The following DOCK9 variants were observed in gnomAD, a reference collection of about 807,000 sequenced individuals.
DOCK9 encodes the protein dedicator of cytokinesis protein 9.
DOCK9 carries 89 observed loss-of-function variants against 263.3 expected under a neutral mutation model. The ratio of observed to expected loss-of-function variants is 0.34; its 90% CI spans 0.28 to 0.40. DOCK9 has a LOEUF of 0.40. Among genes scored for constraint, DOCK9 ranks in the 10% least tolerant of loss-of-function variants. DOCK9 has a pLI of 1.00. For missense variants in DOCK9, 2,140 were observed against 2,603.4 expected (o/e 0.82, Z 3.87); for synonymous variants, 976 against 973.1 (o/e 1.00, Z -0.06).
intron 19 of DOCK9, 110 bp from the exon 20 acceptor site, chr13:98,885,941 A>C (rs1253952008): frequency 2.9e-6 from 3 of 1,038,724 alleles, no homozygotes; most frequent in Non-Finnish European, 1.3e-6. Context: ...TTGTTCTCCG[A>C]GCGGATATTA....
At position 98,852,721 on chromosome 13, in the gene DOCK9, G is replaced by A. The variant is rs2093607815; in HGVS notation, c.3946+687C>T. Among the ~76,000 whole-genome samples the A allele has an allele frequency of 2.6e-5, 4 of 152,290 alleles. No individual in the cohort carries two copies. In the South Asian group the frequency reaches 8.3e-4, roughly 32 times the overall value. On this transcript the variant is annotated intron_variant, in intron 35 of 52. Transcript: ENST00000682017. ...GATAAGAACTGCGACATTGTTTACT[G>A]GGATTGTTTATATTACATAGCCAGA...
At chr13:98,885,116 C>G (rs1365312499) in intron 20 of DOCK9, 24 bp from the exon 21 acceptor site, 2 of 1,612,740 alleles carry the variant, frequency 1.2e-6, no homozygotes, top group Non-Finnish European at 1.7e-6. Flanking sequence ...AGAACAACAA[C>G]AACAACAGAA....
chr13:99,009,049 G>A (rs970464570), intron 1 of DOCK9, among the ~76,000 whole-genome samples: 25 of 152,228 alleles, frequency 1.6e-4, no homozygotes, highest in African/African-American at 5.5e-4. Context: ...AGTTGTCTCT[G>A]TGTTCCTGGA....
intron 15 of DOCK9, 51 bp downstream of exon 15, chr13:98,897,437 C>G (rs1174096119): frequency 1.2e-6 from 2 of 1,606,150 alleles, no homozygotes; most frequent in African/African-American, 2.7e-5. Flanking sequence ...CCTCCCTCCC[C>G]ACTACACAGC....
intron 1 of DOCK9, among the ~76,000 whole-genome samples, chr13:99,007,252 G>A (rs563001748): frequency 3.3e-5 from 5 of 152,008 alleles, no homozygotes; most frequent in African/African-American, 9.7e-5. Context: ...GCTGGGTGTG[G>A]TGGCACGTGC....
intron 1 of DOCK9, among the ~76,000 whole-genome samples, chr13:98,972,880 G>A (rs2059881962): frequency 6.6e-6 from 1 of 152,204 alleles, no homozygotes; most frequent in South Asian, 2.1e-4. Context: ...TGGGGAGAGG[G>A]AGGGTTTTGA....
At chr13:99,020,688 A>G (rs1885990926) in intron 1 of DOCK9, among the ~76,000 whole-genome samples, 1 of 152,226 alleles carries the variant, frequency 6.6e-6, no homozygotes, top group Non-Finnish European at 1.5e-5. Context: ...CATGTGAAAA[A>G]AGAGGAATCT....
intron 3 of DOCK9, among the ~76,000 whole-genome samples, chr13:98,927,967 A>T (rs553959417): frequency 6.7e-6 from 1 of 148,322 alleles, no homozygotes; most frequent in Non-Finnish European, 1.5e-5. Context: ...ACAGTTTATT[A>T]TGTTCATATA....
chr13:99,042,427 G>T (rs111897809), intron 1 of DOCK9, among the ~76,000 whole-genome samples: 1 of 152,196 alleles, frequency 6.6e-6, no homozygotes, highest in Non-Finnish European at 1.5e-5. Context: ...CCTGCTGAAC[G>T]GGGATCCTTC....
chr13:98,859,345 A>G (rs940623269), intron 33 of DOCK9: 2 of 152,240 alleles, frequency 1.3e-5, no homozygotes, highest in Non-Finnish European at 2.9e-5. Flanking sequence ...TACAGTGTCA[A>G]CTAAGGAGAG....
intron 48 of DOCK9, 36 bp from the exon 49 acceptor site, chr13:98,805,245 C>G (rs1448429199): frequency 9.2e-6 from 14 of 1,519,062 alleles, no homozygotes; most frequent in Non-Finnish European, 1.3e-5. Flanking sequence ...GATTGGTGCT[C>G]CATGAAGGAA....
chr13:99,007,005 T>C (rs1490722723), intron 1 of DOCK9, among the ~76,000 whole-genome samples: 1 of 152,146 alleles, frequency 6.6e-6, no homozygotes, highest in African/African-American at 2.4e-5. Flanking sequence ...GGTGGCAGGA[T>C]GGTTTGAGCC....
chr13:98,800,505 T>C, intron 49 of DOCK9, 27 bp from the exon 50 acceptor site: 1 of 1,604,196 alleles, frequency 6.2e-7, no homozygotes, highest in Non-Finnish European at 8.5e-7. Flanking sequence ...CCAGAATTAC[T>C]GCATGGCTTG....
rs541491686 is a variant in DOCK9 at position 98,885,382 on chromosome 13, C to T, written c.2261-290G>A. ...ATTTTGGGAGGCAGAGGTGGGCAGACTGCTTGAGCTCACGAGTTCGAGACC... is the reference window on the plus strand; with the variant it reads ...ATTTTGGGAGGCAGAGGTGGGCAGATTGCTTGAGCTCACGAGTTCGAGACC... On this transcript the variant is annotated intron_variant, in intron 20 of 52. Coordinates refer to ENST00000682017, the MANE Select transcript of DOCK9 (RefSeq NM_001366683.2). The T allele has an allele frequency of 1.3e-4, 68 of 526,800 alleles. No homozygotes were observed. In the East Asian group the frequency reaches 2.5e-3, roughly 19 times the overall value. The allele number at this position is 526,800 out of a possible 1,614,324, so 32.6% of individuals were successfully genotyped here.
At chr13:99,086,297 C>T (rs1366578034) in exon 1 of DOCK9, 1 of 1,490,852 alleles carries the variant, frequency 6.7e-7, no homozygotes, top group Non-Finnish European at 8.9e-7. Context: ...TTACTCAGCG[C>T]CCGGGTGAAC....
intron 14 of DOCK9, 42 bp downstream of exon 14, chr13:98,898,137 C>T (rs919334236): frequency 1.4e-6 from 2 of 1,431,308 alleles, no homozygotes; most frequent in African/African-American, 1.4e-5. Context: ...CATCCATGCA[C>T]CTATCTATAT....
Position 98,934,753 on chromosome 13 carries a change from A to G in DOCK9, c.244-4496T>C, listed in dbSNP as rs182759200. Among the ~76,000 whole-genome samples, 137 of 152,360 alleles carry G rather than the reference A, an allele frequency of 9.0e-4. 2 individuals carry two copies. The highest frequency in any genetic ancestry group is 3.2e-3 in the African/African-American group (134 of 41,584). ...TGCCACGAAAGAGGTCAAGTAAGAT[A>G]CAGTAAATGCCTGTTGGATCTTGAG... On this transcript the variant is annotated intron_variant, in intron 2 of 52. Coordinates refer to ENST00000682017, the MANE Select transcript of DOCK9 (RefSeq NM_001366683.2).
chr13:99,069,445 T>C (rs1259361211), intron 1 of DOCK9, among the ~76,000 whole-genome samples: 4 of 152,228 alleles, frequency 2.6e-5, no homozygotes, highest in Admixed American at 2.0e-4. Flanking sequence ...ATGGTGCAAA[T>C]AGATGTTTCA....
rs185539244 is a variant in DOCK9, at chr13:98,886,710, C to T, written c.2044-86G>A. 5,589 of 1,272,812 alleles carry T rather than the reference C, an allele frequency of 4.4e-3. 29 individuals are homozygous for T. The highest frequency in any genetic ancestry group is 0.016 in the Admixed American group (806 of 51,670). 78.8% of individuals were successfully genotyped at this position (1,272,812 alleles called of 1,614,324 possible). On this transcript the variant is annotated intron_variant, in intron 18 of 52. Coordinates refer to ENST00000682017, the MANE Select transcript of DOCK9 (RefSeq NM_001366683.2). ...GATATATCGTAAAGGAGGAGGCATT[C>T]CTACGGCATAGACTTAGCATCGCCA...
Sources: gnomAD v4.1 joint callset for allele counts (sites outside exome capture counted in the v4.1 genomes callset) on GRCh38, gnomAD v4.1.1 for gene constraint, MANE v1.5 for transcripts, NCBI Gene and HGNC (gene_info 2026-07-23, HGNC 2026-07-21) for gene names.